ZMYM2: variants seen among roughly 807,000 people sequenced by gnomAD.
ZMYM2 encodes zinc finger MYM-type containing 2, also known as zinc finger MYM-type protein 2.
In ZMYM2, 56 loss-of-function variants were observed where a neutral mutation model predicts 162.8. That is an observed-to-expected ratio of 0.34 (90% CI 0.28 to 0.43). ZMYM2 has a LOEUF of 0.43. Among genes scored for constraint, ZMYM2 ranks in the 20% least tolerant of loss-of-function variants. The probability of loss-of-function intolerance (pLI) is 1.00; values close to 1 mark genes in which losing one functional copy is unlikely to be tolerated. For synonymous variants in ZMYM2, 510 were observed against 541.6 expected (o/e 0.94, Z 0.81); for missense variants, 1,275 against 1,621.8 (o/e 0.79, Z 3.67).
intron 10 of ZMYM2, among the ~76,000 whole-genome samples, chr13:20,033,526 C>T (rs530695249): frequency 6.6e-6 from 1 of 152,262 alleles, no homozygotes; most frequent in African/African-American, 2.4e-5. Flanking sequence ...CCCAGACTCC[C>T]TCACCTTCCT....
At chr13:19,871,694 CTAATT>C in the ZMYM2 span, among the ~76,000 whole-genome samples, 2 of 152,098 alleles carry the variant, frequency 1.3e-5, no homozygotes, top group African/African-American at 4.8e-5. Context: ...ATATATGGCT[CTAATT>C]TATACTAAAT....
In ZMYM2 at chr13:20,026,720, G is replaced by A. The variant is rs1260740425; in HGVS notation, c.1693G>A (p.Ala565Thr). ...NGYMEPYCST[A>T]CMNSHKTKYA... ...ATATATGGAGCCATATTGTTCAACTGCTTGTATGAACAGTCACAAGACAAA... is the reference window on the plus strand; with the variant it reads ...ATATATGGAGCCATATTGTTCAACTACTTGTATGAACAGTCACAAGACAAA... Residue 565 changes from alanine to threonine, a missense_variant, in exon 8 of 25, where the codon GCT becomes ACT. Transcript: ENST00000610343. The A allele has an allele frequency of 6.2e-7, 1 of 1,603,118 alleles. No individual in the cohort carries two copies. The highest frequency in any genetic ancestry group is 2.2e-5 in the East Asian group (1 of 44,542).
chr13:19,937,172 T>C, the ZMYM2 span, among the ~76,000 whole-genome samples: 1 of 151,862 alleles, frequency 6.6e-6, no homozygotes, highest in Non-Finnish European at 1.5e-5. Context: ...TTTCTTAAGA[T>C]AGTTTTGTTC....
At chr13:19,894,818 C>T in the ZMYM2 span, among the ~76,000 whole-genome samples, 1 of 151,748 alleles carries the variant, frequency 6.6e-6, no homozygotes, top group Non-Finnish European at 1.5e-5. Flanking sequence ...AGGACGGACG[C>T]AGTGGCTCAC....
At chr13:20,006,248 A>AT (rs60469557) in intron 5 of ZMYM2, 126 bp from the exon 6 acceptor site, 14 of 553,844 alleles carry the variant, frequency 2.5e-5, no homozygotes, top group Middle Eastern at 6.4e-4. Flanking sequence ...AAAAAAAAAA[A>AT]TTTTTTTTTT....
At chr13:19,982,685 C>T (rs1566212110) in intron 2 of ZMYM2, among the ~76,000 whole-genome samples, 1 of 152,122 alleles carries the variant, frequency 6.6e-6, no homozygotes, top group Non-Finnish European at 1.5e-5. Flanking sequence ...TGAACTGTTG[C>T]CTCATTCCTC....
At chr13:19,949,963 A>G in the ZMYM2 span, among the ~76,000 whole-genome samples, 1 of 151,838 alleles carries the variant, frequency 6.6e-6, no homozygotes, top group Non-Finnish European at 1.5e-5. Context: ...GAAGGAAAGA[A>G]AGAAGAGAAA....
chr13:20,023,187 T>TTA (rs1044323031), intron 7 of ZMYM2, among the ~76,000 whole-genome samples: 7 of 152,148 alleles, frequency 4.6e-5, no homozygotes, highest in Non-Finnish European at 7.4e-5. Context: ...TAAATTTCAG[T>TTA]TAGAGGTTAG....
chr13:19,896,332 C>T, the ZMYM2 span, among the ~76,000 whole-genome samples: 9 of 151,242 alleles, frequency 6.0e-5, no homozygotes, highest in East Asian at 8.0e-4. Context: ...TTAGTAGAGA[C>T]GGGGTTTCAC....
At chr13:19,919,500 C>CTAT in the ZMYM2 span, among the ~76,000 whole-genome samples, 1 of 151,950 alleles carries the variant, frequency 6.6e-6, no homozygotes, top group Admixed American at 6.6e-5. Context: ...TGCCTTCTCA[C>CTAT]CATCATAGGG....
At chr13:20,067,676 G>C (rs531244535) in intron 21 of ZMYM2, among the ~76,000 whole-genome samples, 2 of 152,248 alleles carry the variant, frequency 1.3e-5, no homozygotes, top group African/African-American at 4.8e-5. Context: ...CTGTAAATAG[G>C]TCTGTTTCAC....
At chr13:19,938,043 G>C in the ZMYM2 span, among the ~76,000 whole-genome samples, 1 of 152,030 alleles carries the variant, frequency 6.6e-6, no homozygotes, top group African/African-American at 2.4e-5. Context: ...TCTTAATCCA[G>C]TCTATCGTTG....
At chr13:19,949,584 C>A in the ZMYM2 span, among the ~76,000 whole-genome samples, 1 of 151,232 alleles carries the variant, frequency 6.6e-6, no homozygotes, top group East Asian at 2.0e-4. Context: ...AGAGTAAGAC[C>A]CTGTTGAAAG....
chr13:19,879,295 G>T, the ZMYM2 span, among the ~76,000 whole-genome samples: 1 of 152,104 alleles, frequency 6.6e-6, no homozygotes, highest in African/African-American at 2.4e-5. Flanking sequence ...ATCATTTGAG[G>T]GTGGGCATGG....
chr13:19,866,715 G>A, the ZMYM2 span, among the ~76,000 whole-genome samples: 8 of 152,082 alleles, frequency 5.3e-5, no homozygotes, highest in Non-Finnish European at 1.2e-4. Flanking sequence ...AGGTAACATA[G>A]TGGGACCCAG....
chr13:19,890,205 T>C, the ZMYM2 span, among the ~76,000 whole-genome samples: 1 of 151,842 alleles, frequency 6.6e-6, no homozygotes, highest in Non-Finnish European at 1.5e-5. Flanking sequence ...TCTTGCTCTG[T>C]TACCCAGGCT....
chr13:20,048,349 G>A (rs541662228), intron 12 of ZMYM2, among the ~76,000 whole-genome samples: 1 of 151,042 alleles, frequency 6.6e-6, no homozygotes, highest in African/African-American at 2.4e-5. Flanking sequence ...TTCAAATATT[G>A]CCTTAAATAT....
chr13:19,949,871 A>T, the ZMYM2 span, among the ~76,000 whole-genome samples: 6 of 142,178 alleles, frequency 4.2e-5, no homozygotes, highest in Non-Finnish European at 9.2e-5. Context: ...TGGGTGACAG[A>T]GCGAGACTTT....
chr13:19,912,793 AC>A, the ZMYM2 span, among the ~76,000 whole-genome samples: 3 of 152,200 alleles, frequency 2.0e-5, no homozygotes, highest in Admixed American at 1.3e-4. Context: ...AATAAATATG[AC>A]AAAAACTCAG....
Sources: allele counts gnomAD v4.1 joint callset (sites outside exome capture counted in the v4.1 genomes callset), GRCh38; gene constraint gnomAD v4.1.1; transcripts MANE v1.5; gene names NCBI Gene and HGNC (gene_info 2026-07-23, HGNC 2026-07-21).